The following CCDC6 variants were observed in gnomAD, a reference collection of about 807,000 sequenced individuals.
CCDC6 encodes coiled-coil domain containing 6.
A neutral mutation model predicts 56.6 loss-of-function variants in CCDC6; 20 were observed. The ratio of observed to expected loss-of-function variants is 0.35; its 90% CI spans 0.25 to 0.51. CCDC6 has a LOEUF of 0.51. Ranked by LOEUF, CCDC6 falls within the 20% of genes least tolerant of loss-of-function variation. CCDC6 has a pLI of 0.95. For synonymous variants in CCDC6, 241 were observed against 234.4 expected (o/e 1.03, Z -0.26); for missense variants, 367 against 601.1 (o/e 0.61, Z 4.07).
In CCDC6 at chr10:59,852,723, A is replaced by C. The variant is rs767900720; in HGVS notation, c.304-21T>G. The C allele has an allele frequency of 2.7e-5, 40 of 1,507,604 alleles. No individual in the cohort carries two copies. The Middle Eastern group carries it at 7.6e-4, about 29-fold the overall frequency. 93.4% of individuals were successfully genotyped at this position (1,507,604 alleles called of 1,614,324 possible). A position where few individuals can be genotyped will look rare whatever the true frequency, so the allele number is the denominator to read the frequency against. On this transcript the variant is annotated intron_variant, in intron 1 of 8. Coordinates refer to ENST00000263102, the MANE Select transcript of CCDC6 (RefSeq NM_005436.5). ...GCTTGCTGTTTAAAAAAAAAAAAGG[A>C]AAGAACAAAACAAAACACATGTTAA...
intron 1 of CCDC6, among the ~76,000 whole-genome samples, chr10:59,891,092 G>T (rs2132682305): frequency 6.6e-6 from 1 of 152,300 alleles, no homozygotes; most frequent in South Asian, 2.1e-4. Flanking sequence ...TCGAATTTCA[G>T]ATCAACAACA....
At chr10:59,868,687 A>G (rs537795593) in intron 1 of CCDC6, among the ~76,000 whole-genome samples, 2 of 152,292 alleles carry the variant, frequency 1.3e-5, no homozygotes, top group African/African-American at 4.8e-5. Context: ...CGTTACAAAC[A>G]ATATGGTTTA....
At chr10:59,861,236 G>C (rs1463411287) in intron 1 of CCDC6, among the ~76,000 whole-genome samples, 3 of 151,840 alleles carry the variant, frequency 2.0e-5, no homozygotes, top group African/African-American at 7.3e-5. Flanking sequence ...GTGTGTGCTT[G>C]TAGTCCACTT....
intron 2 of CCDC6, among the ~76,000 whole-genome samples, chr10:59,847,749 A>C (rs956621934): frequency 6.6e-6 from 1 of 152,126 alleles, no homozygotes; most frequent in African/African-American, 2.4e-5. Flanking sequence ...CAAAGAAAAT[A>C]ACATAACCTA....
At chr10:59,867,394 T>C (rs954096357) in intron 1 of CCDC6, among the ~76,000 whole-genome samples, 1 of 152,170 alleles carries the variant, frequency 6.6e-6, no homozygotes, top group African/African-American at 2.4e-5. Context: ...AGCATTAACA[T>C]CAACATAGAC....
intron 1 of CCDC6, among the ~76,000 whole-genome samples, chr10:59,885,091 A>AAAGG (rs563943248): frequency 4.6e-5 from 7 of 151,878 alleles, no homozygotes; most frequent in African/African-American, 7.3e-5. Context: ...GAAAGGAAAG[A>AAAGG]AAGGAAGGAA....
At chr10:59,844,458 T>C (rs1241949164) in intron 2 of CCDC6, among the ~76,000 whole-genome samples, 2 of 151,420 alleles carry the variant, frequency 1.3e-5, no homozygotes. Flanking sequence ...GGAAAAGATT[T>C]TTAAAGTCCT....
chr10:59,800,995 A>G (rs1025731638), intron 7 of CCDC6, among the ~76,000 whole-genome samples: 1 of 152,240 alleles, frequency 6.6e-6, no homozygotes, highest in Non-Finnish European at 1.5e-5. Context: ...ACTAAGCAAT[A>G]TAAAACAAGA....
rs988648893 is a variant in CCDC6 at position 59,789,384 on chromosome 10, A to G, written c.*3533T>C. ...TAATCAGAACTGCTGAGCATTCCAG[A>G]AAATGCCCCCCACGACTTTATGCTA... On this transcript the variant is annotated 3_prime_UTR_variant, in exon 9 of 9. Transcript: ENST00000263102. 2.2e-5 allele frequency: 5 copies of G among 230,226 alleles called. No homozygotes were observed. Among genetic ancestry groups the G allele is most frequent in the Non-Finnish European group, 4.3e-5 (5 of 116,324 alleles). The allele number at this position is 230,226 out of a possible 1,614,324, so 14.3% of individuals were successfully genotyped here. A position where few individuals can be genotyped will look rare whatever the true frequency, so the allele number is the denominator to read the frequency against.
intron 2 of CCDC6, among the ~76,000 whole-genome samples, chr10:59,842,817 A>C (rs1252198494): frequency 1.4e-5 from 2 of 147,752 alleles, no homozygotes; most frequent in South Asian, 2.1e-4. Context: ...GCAGTGGCGC[A>C]ATCTCAGCTC....
At chr10:59,832,011 A>T (rs1159076757) in intron 3 of CCDC6, among the ~76,000 whole-genome samples, 1 of 152,260 alleles carries the variant, frequency 6.6e-6, no homozygotes, top group Non-Finnish European at 1.5e-5. Flanking sequence ...AAGGTCATAC[A>T]ATCAGTCAGT....
At position 59,870,322 on chromosome 10, in the gene CCDC6, T is replaced by A. The variant is rs142371528; in HGVS notation, c.304-17620A>T. On this transcript the variant is annotated intron_variant, in intron 1 of 8. Coordinates refer to ENST00000263102, the MANE Select transcript of CCDC6 (RefSeq NM_005436.5). ...TTCAAAGCACTGAGTCAAGTTCTCA[T>A]GACAGAAAAAATAAGGTACTATCAC... Among the ~76,000 whole-genome samples the A allele has an allele frequency of 4.6e-3, 698 of 152,256 alleles. 9 individuals carry two copies. The highest frequency in any genetic ancestry group is 7.3e-3 in the Non-Finnish European group (497 of 68,008).
At chr10:59,870,915 G>C (rs1337735619) in intron 1 of CCDC6, among the ~76,000 whole-genome samples, 1 of 152,184 alleles carries the variant, frequency 6.6e-6, no homozygotes, top group Non-Finnish European at 1.5e-5. Flanking sequence ...GAACTGAGCA[G>C]CTGTATTTGG....
intron 3 of CCDC6, among the ~76,000 whole-genome samples, chr10:59,821,143 A>G (rs1475969785): frequency 6.6e-6 from 1 of 152,242 alleles, no homozygotes; most frequent in South Asian, 2.1e-4. Flanking sequence ...TTTTGCTTCT[A>G]CTACAAGAGC....
intron 4 of CCDC6, among the ~76,000 whole-genome samples, chr10:59,814,144 A>C (rs1399645951): frequency 6.6e-6 from 1 of 152,206 alleles, no homozygotes; most frequent in African/African-American, 2.4e-5. Flanking sequence ...TTCCACTTCC[A>C]AGTACATACA....
In CCDC6 at chr10:59,906,260, G is replaced by C. The variant is rs1225447055; in HGVS notation, c.165C>G (p.Arg55=). The C allele has an allele frequency of 7.4e-6, 12 of 1,612,672 alleles. No individual in the cohort carries two copies. Among genetic ancestry groups the C allele is most frequent in the Non-Finnish European group, 9.3e-6 (11 of 1,179,824 alleles). The change falls in exon 1 of 9, where the codon CGC becomes CGG. Residue 55 remains arginine, a synonymous_variant. Coordinates refer to ENST00000263102, the MANE Select transcript of CCDC6 (RefSeq NM_005436.5). ...CCAGGCGGTTGGTGAGCTCCTCCAGGCGGAACGGCGAGATGACAATGCCCC... is the reference window on the plus strand; with the variant it reads ...CCAGGCGGTTGGTGAGCTCCTCCAGCCGGAACGGCGAGATGACAATGCCCC... ...KSGGIVISPF[R]LEELTNRLAS...
intron 1 of CCDC6, among the ~76,000 whole-genome samples, chr10:59,870,902 C>G (rs1300475702): frequency 6.6e-6 from 1 of 152,168 alleles, no homozygotes; most frequent in East Asian, 1.9e-4. Context: ...ATGAGAGCAC[C>G]ATGAACTGAG....
intron 3 of CCDC6, among the ~76,000 whole-genome samples, chr10:59,821,248 G>A (rs1438145584): frequency 2.0e-5 from 3 of 152,160 alleles, no homozygotes; most frequent in Admixed American, 1.3e-4. Context: ...GAATTCATGA[G>A]GGGGCTATTA....
rs1172379933 is a variant in CCDC6, at chr10:59,876,073, C to CTTTTTTTTTTTTTTTTTTTTTTT, written c.304-23372_304-23371insAAAAAAAAAAAAAAAAAAAAAAA. Among the ~76,000 whole-genome samples the CTTTTTTTTTTTTTTTTTTTTTTT allele has an allele frequency of 2.0e-5, 2 of 97,586 alleles. 1 individual carries two copies. The highest frequency in any genetic ancestry group is 6.8e-4 in the East Asian group (2 of 2,952). 64.0% of individuals were successfully genotyped at this position (97,586 alleles called of 152,430 possible). On this transcript the variant is annotated intron_variant, in intron 1 of 8. Coordinates refer to ENST00000263102, the MANE Select transcript of CCDC6 (RefSeq NM_005436.5). The stretch of plus-strand genomic sequence containing the variant: ...CATACACGAGTGCATGCACAGATGT[C>CTTTTTTTTTTTTTTTTTTTTTTT]TTTTTTTTTTTTTTTTTTCAGATCG...
Sources: allele counts gnomAD v4.1 joint callset (sites outside exome capture counted in the v4.1 genomes callset), GRCh38; gene constraint gnomAD v4.1.1; transcripts MANE v1.5; gene names NCBI Gene and HGNC (gene_info 2026-07-23, HGNC 2026-07-21).